Variants in LARGE1 observed in about 807,000 individuals in gnomAD.
LARGE1 encodes LARGE xylosyl- and glucuronyltransferase 1.
LARGE1 carries 43 observed loss-of-function variants against 87.6 expected under a neutral mutation model. The ratio of observed to expected loss-of-function variants is 0.49; its 90% CI spans 0.38 to 0.63. LARGE1 has a LOEUF of 0.63. Ranked by LOEUF, LARGE1 falls within the 30% of genes least tolerant of loss-of-function variation. The pLI is 0.00. For synonymous variants in LARGE1, 434 were observed against 394.6 expected (o/e 1.10, Z -1.18); for missense variants, 802 against 1,000.2 (o/e 0.80, Z 2.67).
intron 11 of LARGE1, among the ~76,000 whole-genome samples, chr22:33,236,194 G>A (rs1926242793): frequency 1.3e-5 from 2 of 152,178 alleles, no homozygotes; most frequent in South Asian, 4.1e-4. Context: ...AACTGTGAGA[G>A]CACAAATTTC....
intron 1 of LARGE1, among the ~76,000 whole-genome samples, chr22:33,801,811 C>G (rs543333249): frequency 1.3e-5 from 2 of 152,088 alleles, no homozygotes; most frequent in Non-Finnish European, 2.9e-5. Flanking sequence ...TGATACCCCC[C>G]GCTTCCCCAG....
intron 6 of LARGE1, among the ~76,000 whole-genome samples, chr22:33,492,339 C>G (rs779868162): frequency 2.0e-5 from 3 of 152,226 alleles, no homozygotes; most frequent in Admixed American, 2.0e-4. Flanking sequence ...CTGTGCACAA[C>G]ATTGCCAGTG....
chr22:33,673,191 C>T (rs1569360200), intron 2 of LARGE1, among the ~76,000 whole-genome samples: 1 of 152,162 alleles, frequency 6.6e-6, no homozygotes, highest in African/African-American at 2.4e-5. Flanking sequence ...AGGAGAATTG[C>T]TTGAACCTGA....
chr22:33,574,028 G>A (rs1021573912), intron 5 of LARGE1, among the ~76,000 whole-genome samples: 2 of 152,116 alleles, frequency 1.3e-5, no homozygotes, highest in Admixed American at 6.5e-5. Context: ...CATCATTCCT[G>A]CAACATCTTA....
chr22:33,194,846 T>C (rs1359394863), intron 11 of LARGE1, among the ~76,000 whole-genome samples: 2 of 152,102 alleles, frequency 1.3e-5, no homozygotes, highest in African/African-American at 4.8e-5. Context: ...GCCAGACCAG[T>C]CAGCATTACA....
chr22:33,497,364 A>G (rs1003113333), intron 6 of LARGE1, among the ~76,000 whole-genome samples: 1 of 152,060 alleles, frequency 6.6e-6, no homozygotes, highest in Admixed American at 6.6e-5. Context: ...GTGTGAGCCA[A>G]CAAACCCAGC....
At chr22:33,427,748 C>T (rs776421031) in intron 7 of LARGE1, among the ~76,000 whole-genome samples, 3 of 152,246 alleles carry the variant, frequency 2.0e-5, no homozygotes, top group South Asian at 2.1e-4. Flanking sequence ...CCCAGGCACA[C>T]GTGGCTGCGC....
chr22:33,170,440 T>C (rs1450894111), intron 11 of LARGE1, among the ~76,000 whole-genome samples: 1 of 152,176 alleles, frequency 6.6e-6, no homozygotes, highest in African/African-American at 2.4e-5. Context: ...GTTTGGCTTG[T>C]GTCCCTACCC....
At chr22:33,615,696 CT>C (rs2079562678) in intron 4 of LARGE1, among the ~76,000 whole-genome samples, 3 of 147,596 alleles carry the variant, frequency 2.0e-5, no homozygotes, top group Non-Finnish European at 4.5e-5. Context: ...AAGGAAGAAA[CT>C]TTGTGCTTCA....
rs151092126 is a variant in LARGE1, at chr22:33,728,169, G to A, written c.106+33202C>T. 4.5e-3 allele frequency among the ~76,000 whole-genome samples: 683 copies of A among 151,998 alleles called. 3 individuals are homozygous for A. Among genetic ancestry groups the A allele is most frequent in the African/African-American group, 0.016 (643 of 41,470 alleles). On this transcript the variant is annotated intron_variant, in intron 2 of 14. Transcript: ENST00000397394. ...GCCCCAACTCCACTTGTAGTATCCC[G>A]TATTCATCATCTACACCTATACACA...
chr22:33,883,429 C>G (rs2064754711), intron 1 of LARGE1, among the ~76,000 whole-genome samples: 1 of 152,212 alleles, frequency 6.6e-6, no homozygotes, highest in South Asian at 2.1e-4. Context: ...ACCCTCATCT[C>G]CTGCCTGAAG....
intron 5 of LARGE1, among the ~76,000 whole-genome samples, chr22:33,582,681 C>T (rs144397890): frequency 2.1e-3 from 314 of 152,320 alleles, no homozygotes; most frequent in African/African-American, 7.3e-3. Context: ...CATCCAAAAC[C>T]CAACTTCACA....
the LARGE1 span, among the ~76,000 whole-genome samples, chr22:33,154,344 G>T: frequency 3.3e-5 from 5 of 152,062 alleles, no homozygotes; most frequent in African/African-American, 1.2e-4. Context: ...AGGTTCAGGC[G>T]ATTCTCCTGC....
rs1228080808 is a variant in LARGE1, at chr22:33,581,812, A to G, written c.616-16793T>C. On this transcript the variant is annotated intron_variant, in intron 5 of 14. Transcript: ENST00000397394. ...GGGTGACAGAGTGAAACTCCGTCTCAAAAAAAAAAAAAAAAAAAAGAATCT... is the reference window on the plus strand; with the variant it reads ...GGGTGACAGAGTGAAACTCCGTCTCGAAAAAAAAAAAAAAAAAAAGAATCT... 7.7e-5 allele frequency among the ~76,000 whole-genome samples: 6 copies of G among 77,472 alleles called. No individual in the cohort carries two copies. The East Asian group carries it at 2.8e-3, about 36-fold the overall frequency. The allele number at this position is 77,472 out of a possible 152,430, so 50.8% of individuals were successfully genotyped here.
intron 11 of LARGE1, among the ~76,000 whole-genome samples, chr22:33,237,104 C>T (rs1226250216): frequency 3.9e-5 from 6 of 152,264 alleles, no homozygotes; most frequent in Admixed American, 2.6e-4. Context: ...GGAGATTATG[C>T]AGCTTGGTCT....
the LARGE1 span, among the ~76,000 whole-genome samples, chr22:33,127,174 A>C: frequency 1.3e-5 from 2 of 152,174 alleles, no homozygotes; most frequent in Non-Finnish European, 2.9e-5. Context: ...CATAGGAGCA[A>C]GTGAGGAGGA....
chr22:33,395,009 G>A (rs1221511939), intron 7 of LARGE1, among the ~76,000 whole-genome samples: 1 of 151,956 alleles, frequency 6.6e-6, no homozygotes, highest in Non-Finnish European at 1.5e-5. Flanking sequence ...GGCAGATCAC[G>A]AGGTCAGGAG....
At chr22:33,894,874 T>C (rs1056058577) in intron 1 of LARGE1, among the ~76,000 whole-genome samples, 1 of 152,204 alleles carries the variant, frequency 6.6e-6, no homozygotes, top group Non-Finnish European at 1.5e-5. Context: ...AAAATGGCAG[T>C]GGCACTTCTC....
At chr22:33,213,253 C>A (rs1334278119) in intron 11 of LARGE1, among the ~76,000 whole-genome samples, 1 of 152,144 alleles carries the variant, frequency 6.6e-6, no homozygotes, top group African/African-American at 2.4e-5. Context: ...TAACGCGTTG[C>A]TTCTTATGCA....
Sources: gnomAD v4.1 joint callset for allele counts (sites outside exome capture counted in the v4.1 genomes callset) on GRCh38, gnomAD v4.1.1 for gene constraint, MANE v1.5 for transcripts, NCBI Gene and HGNC (gene_info 2026-07-23, HGNC 2026-07-21) for gene names.